Variants in GNG11 observed in about 807,000 individuals in gnomAD.
The protein encoded by GNG11 is G protein subunit gamma 11.
GNG11 carries 6 observed loss-of-function variants against 7.4 expected under a neutral mutation model. That is an observed-to-expected ratio of 0.81 (90% CI 0.44 to 1.60). GNG11 has a LOEUF of 1.60. Ranked by LOEUF, GNG11 falls within the 40% of genes most tolerant of loss-of-function variation. GNG11 has a pLI of 0.01. For synonymous variants in GNG11, 31 were observed against 25.9 expected, an observed-to-expected ratio of 1.20 and a Z score of -0.60; for missense variants, 65 against 83.0, an observed-to-expected ratio of 0.78 and a Z score of 0.84.
At chr7:93,923,155 T>G (rs1238576935) in intron 1 of GNG11, among the ~76,000 whole-genome samples, 1 of 152,194 alleles carries the variant, frequency 6.6e-6, no homozygotes, top group Non-Finnish European at 1.5e-5. Context: ...TCTTATTTAT[T>G]ATGGTTTAGC....
chr7:93,926,422 A>C lies in GNG11; in HGVS notation c.*206A>C, dbSNP rs73428154. 0.018 allele frequency: 6,333 copies of C among 346,838 alleles called. 337 individuals are homozygous for C. Among genetic ancestry groups the C allele is most frequent in the African/African-American group, 0.12 (5,789 of 47,662 alleles). The allele number at this position is 346,838 out of a possible 1,614,324, so 21.5% of individuals were successfully genotyped here. A position where few individuals can be genotyped will look rare whatever the true frequency, so the allele number is the denominator to read the frequency against. ...CTTTTTTAAGAGAGCAGAGAGTATC[A>C]GATGTACAATTATGGAAATAAGAAC... On this transcript the variant is annotated 3_prime_UTR_variant, in exon 2 of 2. Transcript: ENST00000248564.
In GNG11 at chr7:93,927,917, A is replaced by T. The variant is rs1036507063; in HGVS notation, c.*1701A>T. On this transcript the variant is annotated 3_prime_UTR_variant, in exon 2 of 2. Transcript: ENST00000248564. ...GGAATAGTAAAGGTGTATTTCTTCCAAACAGCATAGAACTATTAGTACTAT... is the reference window on the plus strand; with the variant it reads ...GGAATAGTAAAGGTGTATTTCTTCCTAACAGCATAGAACTATTAGTACTAT... 1 of 152,184 alleles carries T rather than the reference A, an allele frequency of 6.6e-6. No individual in the cohort carries two copies. Among genetic ancestry groups the T allele is most frequent in the Non-Finnish European group, 1.5e-5 (1 of 68,038 alleles). 9.4% of individuals were successfully genotyped at this position (152,184 alleles called of 1,614,324 possible).
chr7:93,922,275 G>C (rs1794624769), intron 1 of GNG11, 42 bp downstream of exon 1: 1 of 1,221,984 alleles, frequency 8.2e-7, no homozygotes, highest in Non-Finnish European at 1.2e-6. Flanking sequence ...CTGAAATGAA[G>C]CAGGGTCCGA....
At chr7:93,923,029 A>T (rs1054754081) in intron 1 of GNG11, among the ~76,000 whole-genome samples, 1 of 152,210 alleles carries the variant, frequency 6.6e-6, no homozygotes, top group South Asian at 2.1e-4. Flanking sequence ...TTCAGACACT[A>T]ATCCCTCTTC....
chr7:93,925,999 A>G (rs180233), intron 1 of GNG11, 92 bp from the exon 2 acceptor site: 1 of 583,040 alleles, frequency 1.7e-6, no homozygotes, highest in African/African-American at 1.9e-5. Context: ...TTAAAAACTT[A>G]TTGTATTCAA....
rs1794712301 is a variant in GNG11 at position 93,928,546 on chromosome 7, C to A, written c.*2330C>A. ...GTTAAGTAGAATTTAAATTATGTAT[C>A]CAATTTATTCAAAGTGTATAGTTGT... On this transcript the variant is annotated 3_prime_UTR_variant, in exon 2 of 2. Transcript: ENST00000248564. 1 of 152,060 alleles carries A rather than the reference C, an allele frequency of 6.6e-6. No individual in the cohort carries two copies. The highest frequency in any genetic ancestry group is 1.5e-5 in the Non-Finnish European group (1 of 68,008). 9.4% of individuals were successfully genotyped at this position (152,060 alleles called of 1,614,324 possible). A position where few individuals can be genotyped will look rare whatever the true frequency, so the allele number is the denominator to read the frequency against.
chr7:93,926,009 A>G (rs1364809893), intron 1 of GNG11, 82 bp from the exon 2 acceptor site: 1 of 706,404 alleles, frequency 1.4e-6, no homozygotes, highest in African/African-American at 1.8e-5. Flanking sequence ...ATTGTATTCA[A>G]TTATACTTAT....
chr7:93,925,120 T>TGC (rs1562789384), intron 1 of GNG11, among the ~76,000 whole-genome samples: 2 of 152,134 alleles, frequency 1.3e-5, no homozygotes, highest in African/African-American at 4.8e-5. Context: ...GCCGAGATCC[T>TGC]GCCACTGCAC....
At position 93,922,147 on chromosome 7, in the gene GNG11, C is replaced by T; in HGVS notation, c.10C>T (p.Leu4Phe). 1 of 1,592,090 alleles carries T rather than the reference C, an allele frequency of 6.3e-7. No homozygotes were observed. The highest frequency in any genetic ancestry group is 1.3e-5 in the African/African-American group (1 of 74,604). The change falls in exon 1 of 2, where the codon CTT becomes TTT. Residue 4 changes from leucine to phenylalanine, a missense_variant. Coordinates refer to ENST00000248564, the MANE Select transcript of GNG11 (RefSeq NM_004126.4). ...CGGTTCTGGGGCGAAAATGCCTGCC[C>T]TTCACATCGAAGATTTGCCAGAGAA... MPA[L>F]HIEDLPEKEK...
At chr7:93,924,866 T>C (rs1794654122) in intron 1 of GNG11, among the ~76,000 whole-genome samples, 1 of 152,232 alleles carries the variant, frequency 6.6e-6, no homozygotes, top group South Asian at 2.1e-4. Flanking sequence ...TAGGTCTCCA[T>C]TTAAATTTGC....
chr7:93,927,795 A>G lies in GNG11; in HGVS notation c.*1579A>G, dbSNP rs760455608. ...TTCCTGACACTGTCCAAGTGATGACATCAATTGGCATTACTGAGAGCCCAG... is the reference window on the plus strand; with the variant it reads ...TTCCTGACACTGTCCAAGTGATGACGTCAATTGGCATTACTGAGAGCCCAG... On this transcript the variant is annotated 3_prime_UTR_variant, in exon 2 of 2. Coordinates refer to ENST00000248564, the MANE Select transcript of GNG11 (RefSeq NM_004126.4). 6.6e-6 allele frequency: 1 copy of G among 152,174 alleles called. No homozygotes were observed. The highest frequency in any genetic ancestry group is 1.5e-5 in the Non-Finnish European group (1 of 68,032). The allele number at this position is 152,174 out of a possible 1,614,324, so 9.4% of individuals were successfully genotyped here.
chr7:93,922,312 A>G (rs1320044308), intron 1 of GNG11, 79 bp downstream of exon 1: 1 of 771,628 alleles, frequency 1.3e-6, no homozygotes, highest in Admixed American at 2.5e-5. Context: ...ACAGTAAAGC[A>G]AATAGTTTAG....
chr7:93,925,499 C>T (rs368444593), intron 1 of GNG11, among the ~76,000 whole-genome samples: 1 of 152,088 alleles, frequency 6.6e-6, no homozygotes, highest in African/African-American at 2.4e-5. Flanking sequence ...TGAGGAGCAA[C>T]ACAGAGTGCG....
In GNG11 at chr7:93,921,868, C is replaced by T. The variant is rs1339980039; in HGVS notation, c.-270C>T. The T allele has an allele frequency of 3.3e-6, 1 of 299,546 alleles. No individual in the cohort carries two copies. The highest frequency in any genetic ancestry group is 6.2e-6 in the Non-Finnish European group (1 of 162,084). 18.6% of individuals were successfully genotyped at this position (299,546 alleles called of 1,614,324 possible). A position where few individuals can be genotyped will look rare whatever the true frequency, so the allele number is the denominator to read the frequency against. On this transcript the variant is annotated 5_prime_UTR_variant, in exon 1 of 2. Transcript: ENST00000248564. ...TGGACCCAGTCTCAAACTTAACCCTCATCTAGCACCCGGGCAGGCCTCCTG... is the reference window on the plus strand; with the variant it reads ...TGGACCCAGTCTCAAACTTAACCCTTATCTAGCACCCGGGCAGGCCTCCTG...
chr7:93,923,751 A>T (rs1487815251), intron 1 of GNG11, among the ~76,000 whole-genome samples: 1 of 152,188 alleles, frequency 6.6e-6, no homozygotes, highest in Non-Finnish European at 1.5e-5. Flanking sequence ...GTAAAAATTG[A>T]CTGTATCATT....
In GNG11 at chr7:93,922,088, T is replaced by A; in HGVS notation, c.-50T>A. On this transcript the variant is annotated 5_prime_UTR_variant, in exon 1 of 2. Transcript: ENST00000248564. ...GGGACGCGCCGAGCTTCGCCGCTCT[T>A]CCAGCGGCTCCGCTGCCAGAGCTAG... 1 of 1,223,872 alleles carries A rather than the reference T, an allele frequency of 8.2e-7. No homozygotes were observed. Among genetic ancestry groups the A allele is most frequent in the Non-Finnish European group, 1.1e-6 (1 of 871,136 alleles). 75.8% of individuals were successfully genotyped at this position (1,223,872 alleles called of 1,614,324 possible). A position where few individuals can be genotyped will look rare whatever the true frequency, so the allele number is the denominator to read the frequency against.
At chr7:93,924,024 TA>T (rs774004152) in intron 1 of GNG11, among the ~76,000 whole-genome samples, 1 of 152,286 alleles carries the variant, frequency 6.6e-6, no homozygotes, top group African/African-American at 2.4e-5. Context: ...CTTTAAGGAT[TA>T]AAAAAAACTT....
intron 1 of GNG11, among the ~76,000 whole-genome samples, chr7:93,925,268 C>A (rs555650987): frequency 8.3e-4 from 127 of 152,214 alleles, no homozygotes; most frequent in Non-Finnish European, 3.1e-4. Flanking sequence ...ACCCTAATTT[C>A]TTTTCTTTTG....
In GNG11 at chr7:93,922,143, T is replaced by C. The variant is rs1794621415; in HGVS notation, c.6T>C (p.Pro2=). 1.3e-6 allele frequency: 2 copies of C among 1,590,932 alleles called. No homozygotes were observed. The highest frequency in any genetic ancestry group is 1.7e-6 in the Non-Finnish European group (2 of 1,164,004). Reference sequence around the variant, plus strand: ...AGCCCGGTTCTGGGGCGAAAATGCCTGCCCTTCACATCGAAGATTTGCCAG... The same window carrying C: ...AGCCCGGTTCTGGGGCGAAAATGCCCGCCCTTCACATCGAAGATTTGCCAG... M[P]ALHIEDLPEK... The change falls in exon 1 of 2, where the codon CCT becomes CCC. Residue 2 remains proline, a synonymous_variant. Transcript: ENST00000248564.
Sources: allele counts gnomAD v4.1 joint callset (sites outside exome capture counted in the v4.1 genomes callset), GRCh38; gene constraint gnomAD v4.1.1; transcripts MANE v1.5; gene names NCBI Gene and HGNC (gene_info 2026-07-23, HGNC 2026-07-21).